Variants in SOX8 observed in about 807,000 individuals in gnomAD.
SOX8 encodes the protein transcription factor SOX-8.
A neutral mutation model predicts 22.9 loss-of-function variants in SOX8; 9 were observed. The observed-to-expected ratio is 0.39, with a 90% CI of 0.24 to 0.69. SOX8 has a LOEUF of 0.69. Ranked by LOEUF, SOX8 falls within the 30% of genes least tolerant of loss-of-function variation. The pLI, the probability that SOX8 is intolerant of heterozygous loss-of-function variation, is 0.43. For missense variants in SOX8, 734 were observed against 699.4 expected, an observed-to-expected ratio of 1.05 and a Z score of -0.56; for synonymous variants, 416 against 330.6, an observed-to-expected ratio of 1.26 and a Z score of -2.80.
chr16:985,686 G>A lies in SOX8; in HGVS notation c.*300G>A, dbSNP rs11861696. ...CTGGCGGCACCAGCACCTTCGCTTT[G>A]CATCTCGGTAGAGGAGAAACGGCAG... On this transcript the variant is annotated 3_prime_UTR_variant, in exon 3 of 3. Coordinates refer to ENST00000293894, the MANE Select transcript of SOX8 (RefSeq NM_014587.5). 5,007 of 384,418 alleles carry A rather than the reference G, an allele frequency of 0.013. 222 individuals carry two copies. The highest frequency in any genetic ancestry group is 0.095 in the African/African-American group (4,522 of 47,578). 23.8% of individuals were successfully genotyped at this position (384,418 alleles called of 1,614,324 possible).
In SOX8 at chr16:985,136, A is replaced by G; in HGVS notation, c.1091A>G (p.Gln364Arg). 6.2e-7 allele frequency: 1 copy of G among 1,600,590 alleles called. No homozygotes were observed. Among genetic ancestry groups the G allele is most frequent in the Non-Finnish European group, 8.5e-7 (1 of 1,175,722 alleles). ...GSPDYGSCSG[Q>R]SSATPAAPAG... is the part of the protein sequence containing the mutation. ...CCCGACTACGGTTCCTGCAGCGGCC[A>G]GTCCAGCGCCACCCCGGCCGCCCCC... The change falls in exon 3 of 3, where the codon CAG becomes CGG. Residue 364 changes from glutamine to arginine, a missense_variant. Physicochemically the swap from Gln to Arg is conservative, Grantham distance 43. Around this residue, in one of 3 missense-constraint regions of SOX8, gnomAD observed 588 missense variants for 568.2 expected, o/e 1.03. Coordinates refer to ENST00000293894, the MANE Select transcript of SOX8 (RefSeq NM_014587.5).
At chr16:982,374 C>A in intron 1 of SOX8, 30 bp downstream of exon 1, 1 of 1,319,676 alleles carries the variant, frequency 7.6e-7, no homozygotes, top group Non-Finnish European at 9.7e-7. Context: ...GGGCGGGGTT[C>A]GGGACCTTGG....
At chr16:984,589 C>T (rs962200721) in intron 2 of SOX8, 112 bp from the exon 3 acceptor site, 17 of 613,470 alleles carry the variant, frequency 2.8e-5, no homozygotes, top group East Asian at 9.3e-5. Context: ...AAACAAAAAG[C>T]CGTTGATCCC....
At chr16:982,556 C>T in intron 1 of SOX8, 2 of 469,122 alleles carry the variant, frequency 4.3e-6, no homozygotes, top group Non-Finnish European at 6.9e-6. Context: ...GAGTCGGGAT[C>T]CGCGGAGGGC....
chr16:981,916 G>C lies in SOX8; in HGVS notation c.-7G>C. ...CTCCTGTGCGCGCCCCTCCGCGCGC[G>C]GCCCCGATGCTGGACATGAGCGAGG... On this transcript the variant is annotated 5_prime_UTR_variant, in exon 1 of 3. Transcript: ENST00000293894. 2.4e-6 allele frequency: 3 copies of C among 1,259,820 alleles called. No individual in the cohort carries two copies. Among genetic ancestry groups the C allele is most frequent in the Non-Finnish European group, 3.0e-6 (3 of 1,001,300 alleles). 78.0% of individuals were successfully genotyped at this position (1,259,820 alleles called of 1,614,324 possible).
In SOX8 at chr16:981,944, C is replaced by G. The variant is rs1315953683; in HGVS notation, c.22C>G (p.Arg8Gly). MLDMSEA[R>G]SQPPCSPSGT... Reference sequence around the variant, plus strand: ...CCCGATGCTGGACATGAGCGAGGCCCGCTCCCAGCCGCCCTGCAGCCCGTC... The same window carrying G: ...CCCGATGCTGGACATGAGCGAGGCCGGCTCCCAGCCGCCCTGCAGCCCGTC... Residue 8 changes from arginine (R) to glycine (G), a missense_variant, in exon 1 of 3, where the codon CGC becomes GGC. By Grantham distance (125) the Arg-to-Gly change is moderately radical. Around this residue, in one of 3 missense-constraint regions of SOX8, gnomAD observed 139 missense variants for 109.1 expected, o/e 1.27. Transcript: ENST00000293894. 21 of 1,415,066 alleles carry G rather than the reference C, an allele frequency of 1.5e-5. No individual in the cohort carries two copies. Among genetic ancestry groups the G allele is most frequent in the East Asian group, 3.2e-5 (1 of 31,410 alleles). The allele number at this position is 1,415,066 out of a possible 1,614,324, so 87.7% of individuals were successfully genotyped here.
chr16:984,203 A>G (rs970503149), intron 2 of SOX8, among the ~76,000 whole-genome samples: 3 of 152,276 alleles, frequency 2.0e-5, no homozygotes, highest in East Asian at 3.9e-4. Flanking sequence ...GGACCCCGAG[A>G]GGTGGTGTTT....
In SOX8 at chr16:985,811, A is replaced by C. The variant is rs140081379; in HGVS notation, c.*425A>C. 1,857 of 170,404 alleles carry C rather than the reference A, an allele frequency of 0.011. 26 individuals are homozygous for C. The highest frequency in any genetic ancestry group is 0.087 in the South Asian group (466 of 5,368). The allele number at this position is 170,404 out of a possible 1,614,324, so 10.6% of individuals were successfully genotyped here. A position where few individuals can be genotyped will look rare whatever the true frequency, so the allele number is the denominator to read the frequency against. On this transcript the variant is annotated 3_prime_UTR_variant, in exon 3 of 3. Coordinates refer to ENST00000293894, the MANE Select transcript of SOX8 (RefSeq NM_014587.5). ...CGAGAGCCCCTGCACTCAAGGCCAC[A>C]TTCCCTCGACAACGGCTGCACGGGC...
At position 983,830 on chromosome 16, in the gene SOX8, C is replaced by G; in HGVS notation, c.525C>G (p.Arg175=). The G allele has an allele frequency of 1.2e-6, 2 of 1,612,826 alleles. No individual in the cohort carries two copies. The highest frequency in any genetic ancestry group is 1.7e-6 in the Non-Finnish European group (2 of 1,179,834). ...CCGACTACAAGTACCAGCCACGGCG[C>G]AGGAAGAGCGCCAAAGCCGGCCACA... The part of the protein sequence containing the change: ...DHPDYKYQPR[R]RKSAKAGHSD... Residue 175 remains arginine, a synonymous_variant, in exon 2 of 3, where the codon CGC becomes CGG. Transcript: ENST00000293894.
intron 2 of SOX8, among the ~76,000 whole-genome samples, chr16:984,332 G>A (rs2073435347): frequency 6.6e-6 from 1 of 152,218 alleles, no homozygotes; most frequent in African/African-American, 2.4e-5. Context: ...CGGGGCCTCG[G>A]TCAGGCTGGC....
chr16:981,988 G>A lies in SOX8; in HGVS notation c.66G>A (p.Met22Ile). The A allele has an allele frequency of 6.9e-7, 1 of 1,448,244 alleles. No homozygotes were observed. 89.7% of individuals were successfully genotyped at this position (1,448,244 alleles called of 1,614,324 possible). ...GCCCGTCCGGCACCGCCAGCTCCAT[G>A]TCGCACGTGGAGGACTCGGACTCGG... is the stretch of plus-strand genomic sequence containing the variant. Reference protein sequence around the residue: ...PCSPSGTASSMSHVEDSDSDA... With the variant: ...PCSPSGTASSISHVEDSDSDA... The change falls in exon 1 of 3, where the codon ATG becomes ATA. Residue 22 changes from methionine to isoleucine, a missense_variant. By Grantham distance (10) the Met-to-Ile change is conservative. Around this residue, in one of 3 missense-constraint regions of SOX8, gnomAD observed 139 missense variants for 109.1 expected, o/e 1.27. Transcript: ENST00000293894.
rs779926019 is a variant in SOX8 at position 981,949 on chromosome 16, C to T, written c.27C>T (p.Ser9=). 2 of 1,422,450 alleles carry T rather than the reference C, an allele frequency of 1.4e-6. No homozygotes were observed. Among genetic ancestry groups the T allele is most frequent in the Non-Finnish European group, 1.8e-6 (2 of 1,086,108 alleles). The allele number at this position is 1,422,450 out of a possible 1,614,324, so 88.1% of individuals were successfully genotyped here. A position where few individuals can be genotyped will look rare whatever the true frequency, so the allele number is the denominator to read the frequency against. Residue 9 remains serine, a synonymous_variant, in exon 1 of 3, where the codon TCC becomes TCT. Transcript: ENST00000293894. MLDMSEAR[S]QPPCSPSGTA... ...TGCTGGACATGAGCGAGGCCCGCTC[C>T]CAGCCGCCCTGCAGCCCGTCCGGCA...
chr16:983,580 C>T, intron 1 of SOX8, 148 bp from the exon 2 acceptor site: 2 of 647,642 alleles, frequency 3.1e-6, no homozygotes, highest in Non-Finnish European at 5.2e-6. Flanking sequence ...CCTGGTGCCA[C>T]GGGAGGCTCC....
chr16:982,513 C>A, intron 1 of SOX8, 169 bp downstream of exon 1: 1 of 710,596 alleles, frequency 1.4e-6, no homozygotes, highest in Non-Finnish European at 2.0e-6. Context: ...GAAAAACATC[C>A]TCTGGCCAGC....
At chr16:982,861 C>T (rs1477042227) in intron 1 of SOX8, 1 of 153,068 alleles carries the variant, frequency 6.5e-6, no homozygotes, top group Non-Finnish European at 1.5e-5. Flanking sequence ...CCCGCAGTTT[C>T]TCCCTCTCCT....
chr16:985,081 G>T lies in SOX8; in HGVS notation c.1036G>T (p.Gly346Cys), dbSNP rs772158726. Residue 346 changes from glycine to cysteine, a missense_variant, in exon 3 of 3, where the codon GGC becomes TGC. Gly to Cys is a radical substitution (Grantham distance 159). Transcript: ENST00000293894. The stretch of plus-strand genomic sequence containing the variant: ...CATCAAGACGGAGCAGCCGAGCCCC[G>T]GCCACTACGGCGACCAGCCCCGAGG... ...PHIKTEQPSPGHYGDQPRGSP... is the reference protein window; with the variant it reads ...PHIKTEQPSPCHYGDQPRGSP... The T allele has an allele frequency of 6.3e-7, 1 of 1,588,634 alleles. No individual in the cohort carries two copies. Among genetic ancestry groups the T allele is most frequent in the Non-Finnish European group, 8.5e-7 (1 of 1,174,164 alleles).
intron 1 of SOX8, chr16:982,764 C>T (rs2073412569): frequency 6.0e-6 from 1 of 165,664 alleles, no homozygotes; most frequent in East Asian, 1.7e-4. Flanking sequence ...TTAGAAAGGG[C>T]TCAGCTCCTC....
Position 982,106 on chromosome 16 carries a change from G to C in SOX8, c.184G>C (p.Glu62Gln), listed in dbSNP as rs1396302536. 4.2e-5 allele frequency: 56 copies of C among 1,343,476 alleles called. No individual in the cohort carries two copies. The highest frequency in any genetic ancestry group is 5.4e-4 in the Middle Eastern group (2 of 3,698). The allele number at this position is 1,343,476 out of a possible 1,614,324, so 83.2% of individuals were successfully genotyped here. A position where few individuals can be genotyped will look rare whatever the true frequency, so the allele number is the denominator to read the frequency against. Residue 62 changes from glutamate (E) to glutamine (Q), a missense_variant, in exon 1 of 3, where the codon GAG becomes CAG. This residue lies in a region of SOX8 where 139 missense variants were observed against 109.1 expected (regional missense o/e 1.27). Transcript: ENST00000293894. ...ARGDPAEAAD[E>Q]RFPACIRDAV... Reference sequence around the variant, plus strand: ...GGGCGACCCGGCGGAGGCGGCGGACGAGCGCTTCCCGGCCTGCATCCGCGA... The same window carrying C: ...GGGCGACCCGGCGGAGGCGGCGGACCAGCGCTTCCCGGCCTGCATCCGCGA...
rs143397492 is a variant in SOX8, at chr16:985,563, G to A, written c.*177G>A. 4.7e-3 allele frequency: 2,593 copies of A among 554,630 alleles called. 16 individuals are homozygous for A. Among genetic ancestry groups the A allele is most frequent in the Non-Finnish European group, 6.0e-3 (1,896 of 318,372 alleles). The allele number at this position is 554,630 out of a possible 1,614,324, so 34.4% of individuals were successfully genotyped here. On this transcript the variant is annotated 3_prime_UTR_variant, in exon 3 of 3. Transcript: ENST00000293894. ...GCCTCCAGATGGCCACACCTCTGCC[G>A]ACGACGGACCAGCTCCCTCTCCCTT...
Sources: gnomAD v4.1 joint callset for allele counts (sites outside exome capture counted in the v4.1 genomes callset) on GRCh38, gnomAD v4.1.1 for gene constraint, gnomAD v4.1.1 regional missense constraint, MANE v1.5 for transcripts, NCBI Gene and HGNC (gene_info 2026-07-23, HGNC 2026-07-21) for gene names.